Variants in SPOCK3 observed in about 807,000 individuals in gnomAD.
The protein encoded by SPOCK3 is SPARC (osteonectin), cwcv and kazal like domains proteoglycan 3.
A neutral mutation model predicts 56.6 loss-of-function variants in SPOCK3; 30 were observed. The observed-to-expected ratio is 0.53, with a 90% CI of 0.40 to 0.72. SPOCK3 has a LOEUF of 0.72. SPOCK3 is among the 30% of genes least tolerant of loss of function. The probability of loss-of-function intolerance (pLI) is 0.00; values close to 1 mark genes in which losing one functional copy is unlikely to be tolerated. For missense variants in SPOCK3, 527 were observed against 530.0 expected (o/e 0.99, Z 0.06); for synonymous variants, 196 against 183.3 (o/e 1.07, Z -0.56).
At chr4:167,194,472 T>C (rs975936082) in intron 2 of SPOCK3, among the ~76,000 whole-genome samples, 1 of 152,190 alleles carries the variant, frequency 6.6e-6, no homozygotes, top group African/African-American at 2.4e-5. Context: ...TGTGGTGTCA[T>C]GTTTTACTTG....
chr4:167,170,404 T>C (rs956644165), intron 2 of SPOCK3, among the ~76,000 whole-genome samples: 2 of 152,176 alleles, frequency 1.3e-5, no homozygotes, highest in Non-Finnish European at 2.9e-5. Flanking sequence ...TTGAATAATA[T>C]TTGCTATATG....
intron 3 of SPOCK3, among the ~76,000 whole-genome samples, chr4:167,039,515 ATG>A (rs960524809): frequency 7.9e-5 from 12 of 152,098 alleles, no homozygotes; most frequent in Non-Finnish European, 1.0e-4. Context: ...GTGTGTATAT[ATG>A]TGTGTGTCTA....
intron 3 of SPOCK3, among the ~76,000 whole-genome samples, chr4:167,043,238 T>A (rs1411000974): frequency 6.6e-6 from 1 of 152,094 alleles, no homozygotes; most frequent in Non-Finnish European, 1.5e-5. Context: ...TAGAGGGTAC[T>A]AATGTAAATG....
chr4:167,166,415 C>A (rs755960422), intron 2 of SPOCK3, among the ~76,000 whole-genome samples: 1 of 151,912 alleles, frequency 6.6e-6, no homozygotes, highest in Non-Finnish European at 1.5e-5. Context: ...ACAACCCTCT[C>A]TTTTTGTACT....
chr4:166,808,257 T>C (rs1463721514), intron 6 of SPOCK3, among the ~76,000 whole-genome samples: 1 of 152,104 alleles, frequency 6.6e-6, no homozygotes. Context: ...TAGTAGCTGA[T>C]TTTGGTATCT....
rs965665668 is a variant in SPOCK3 at position 166,754,687 on chromosome 4, C to A, written c.752G>T (p.Gly251Val). 5 of 1,613,412 alleles carry A rather than the reference C, an allele frequency of 3.1e-6. No individual in the cohort carries two copies. The highest frequency in any genetic ancestry group is 4.2e-6 in the Non-Finnish European group (5 of 1,179,692). The change falls in exon 8 of 11, where the codon GGC becomes GTC. Residue 251 changes from glycine to valine, a missense_variant. By Grantham distance (109) the Gly-to-Val change is moderately radical. Transcript: ENST00000357545. ...SILPICKDSL[G>V]WMFNRLDTNY... ...TGTATCAAGTCTGTTAAACATCCAG[C>A]CAAGTGAGTCCTTGCAAATTGGCAA...
At chr4:166,783,226 G>T (rs181889568) in intron 7 of SPOCK3, among the ~76,000 whole-genome samples, 8 of 152,246 alleles carry the variant, frequency 5.3e-5, no homozygotes, top group Admixed American at 5.2e-4. Context: ...AGGCATGGTG[G>T]CACATGCCTG....
At chr4:167,076,792 T>G (rs1404598928) in intron 2 of SPOCK3, among the ~76,000 whole-genome samples, 3 of 151,756 alleles carry the variant, frequency 2.0e-5, no homozygotes, top group Non-Finnish European at 2.9e-5. Flanking sequence ...TAGACAATAA[T>G]GTATAACAAG....
At chr4:166,783,104 G>T (rs553661288) in intron 7 of SPOCK3, among the ~76,000 whole-genome samples, 1 of 152,226 alleles carries the variant, frequency 6.6e-6, no homozygotes, top group East Asian at 1.9e-4. Flanking sequence ...CACTCCTGTA[G>T]TCCCAGAACT....
rs1553989682 is a variant in SPOCK3, at chr4:166,860,802, C to CATATATATATATATGTATAT, written c.589+28308_589+28327dup. ...ACACGTGTACATGCACACACAAATT[C>CATATATATATATATGTATAT]ATATATATATATATGTATATATATA... On this transcript the variant is annotated intron_variant, in intron 6 of 10. Coordinates refer to ENST00000357545, the MANE Select transcript of SPOCK3 (RefSeq NM_001040159.2). 2.1e-4 allele frequency among the ~76,000 whole-genome samples: 21 copies of CATATATATATATATGTATAT among 101,940 alleles called. 1 individual carries two copies. The highest frequency in any genetic ancestry group is 7.2e-4 in the African/African-American group (19 of 26,306). 66.9% of individuals were successfully genotyped at this position (101,940 alleles called of 152,430 possible).
chr4:166,814,201 G>T (rs912547937), intron 6 of SPOCK3, among the ~76,000 whole-genome samples: 2 of 152,016 alleles, frequency 1.3e-5, no homozygotes, highest in African/African-American at 4.8e-5. Context: ...GTGAGAAATC[G>T]TTAGGCATCC....
At chr4:167,150,872 C>A (rs1298536180) in intron 2 of SPOCK3, among the ~76,000 whole-genome samples, 2 of 152,110 alleles carry the variant, frequency 1.3e-5, no homozygotes, top group Admixed American at 1.3e-4. Context: ...ATCAAGTAAT[C>A]CAGAGAGTCA....
chr4:167,023,216 G>A (rs963962617), intron 3 of SPOCK3, among the ~76,000 whole-genome samples: 1 of 151,790 alleles, frequency 6.6e-6, no homozygotes, highest in African/African-American at 2.4e-5. Flanking sequence ...AATTCTTCAG[G>A]GGGACCATTT....
intron 6 of SPOCK3, among the ~76,000 whole-genome samples, chr4:166,848,701 C>T (rs569395220): frequency 3.2e-4 from 49 of 152,232 alleles, no homozygotes; most frequent in African/African-American, 1.0e-3. Context: ...AAATGTGAGG[C>T]GCTTGTGCAG....
chr4:167,210,038 G>T (rs762266332), intron 2 of SPOCK3, among the ~76,000 whole-genome samples: 3 of 152,142 alleles, frequency 2.0e-5, no homozygotes, highest in Admixed American at 6.6e-5. Flanking sequence ...AATTGTAGGA[G>T]CACTCCTTTG....
intron 2 of SPOCK3, among the ~76,000 whole-genome samples, chr4:167,174,329 C>A (rs1252786184): frequency 6.6e-6 from 1 of 151,400 alleles, no homozygotes; most frequent in African/African-American, 2.4e-5. Flanking sequence ...AATACATTAT[C>A]TTTCTTATAA....
At chr4:166,869,491 T>C (rs1732227670) in intron 6 of SPOCK3, among the ~76,000 whole-genome samples, 1 of 152,098 alleles carries the variant, frequency 6.6e-6, no homozygotes, top group South Asian at 2.1e-4. Flanking sequence ...ATGAAAGAAA[T>C]GGCACCATGT....
chr4:166,843,335 C>T (rs989258803), intron 6 of SPOCK3, among the ~76,000 whole-genome samples: 4 of 152,220 alleles, frequency 2.6e-5, no homozygotes, highest in African/African-American at 9.6e-5. Context: ...AGCACATTGT[C>T]CCCTCTCACC....
At chr4:166,904,194 C>T (rs1736367383) in intron 5 of SPOCK3, among the ~76,000 whole-genome samples, 1 of 151,778 alleles carries the variant, frequency 6.6e-6, no homozygotes, top group Non-Finnish European at 1.5e-5. Context: ...TTTAAAATCT[C>T]TCTGTTTCAA....
Sources: gnomAD v4.1 joint callset for allele counts (sites outside exome capture counted in the v4.1 genomes callset) on GRCh38, gnomAD v4.1.1 for gene constraint, MANE v1.5 for transcripts, NCBI Gene and HGNC (gene_info 2026-07-23, HGNC 2026-07-21) for gene names.